The following ASIC2 variants were observed in gnomAD, a reference collection of about 807,000 sequenced individuals.
The protein encoded by ASIC2 is acid sensing ion channel subunit 2.
A neutral mutation model predicts 57.3 loss-of-function variants in ASIC2; 25 were observed. The ratio of observed to expected loss-of-function variants is 0.44; its 90% CI spans 0.32 to 0.61. The LOEUF is 0.61. Among genes scored for constraint, ASIC2 ranks in the 20% least tolerant of loss-of-function variants. ASIC2 has a pLI of 0.06. For missense variants in ASIC2, 641 were observed against 738.1 expected (o/e 0.87, Z 1.52); for synonymous variants, 319 against 307.5 (o/e 1.04, Z -0.39).
intron 1 of ASIC2, chr17:34,155,744 C>A: frequency 1.9e-6 from 1 of 521,844 alleles, no homozygotes; most frequent in South Asian, 2.6e-5. Flanking sequence ...TCCCCCACCG[C>A]AAGCCCCCCA....
intron 1 of ASIC2, among the ~76,000 whole-genome samples, chr17:34,078,479 A>T (rs1258636911): frequency 6.6e-6 from 1 of 152,168 alleles, no homozygotes; most frequent in Middle Eastern, 3.2e-3. Context: ...AGGCACTGAA[A>T]AAGAAAAGCC....
At chr17:33,521,111 C>T (rs1387600952) in intron 1 of ASIC2, among the ~76,000 whole-genome samples, 11 of 152,090 alleles carry the variant, frequency 7.2e-5, no homozygotes, top group African/African-American at 2.2e-4. Context: ...AAGGCAGTCT[C>T]GTGGCGAACT....
intron 1 of ASIC2, among the ~76,000 whole-genome samples, chr17:33,953,351 C>A (rs1904638120): frequency 6.6e-6 from 1 of 152,136 alleles, no homozygotes; most frequent in Non-Finnish European, 1.5e-5. Context: ...ATGTCTGGTA[C>A]TTAAATCAAT....
At chr17:33,148,056 T>C (rs1173794825) in intron 1 of ASIC2, among the ~76,000 whole-genome samples, 1 of 152,214 alleles carries the variant, frequency 6.6e-6, no homozygotes, top group African/African-American at 2.4e-5. Context: ...AGGCTTTTCA[T>C]TTAAGACAAC....
Position 33,017,589 on chromosome 17 carries a change from G to C in ASIC2, c.1521+16C>G, listed in dbSNP as rs1328845761. 1 of 1,605,676 alleles carries C rather than the reference G, an allele frequency of 6.2e-7. No individual in the cohort carries two copies. The highest frequency in any genetic ancestry group is 1.7e-5 in the Admixed American group (1 of 59,820). ...CAGCATGCGGTCATTTCCCTGTGGG[G>C]AATCCCAAATCTTACCTCATAAATA... On this transcript the variant is annotated intron_variant, in intron 8 of 9. Transcript: ENST00000225823.
intron 1 of ASIC2, among the ~76,000 whole-genome samples, chr17:34,062,106 T>G (rs1434477012): frequency 1.3e-5 from 2 of 152,146 alleles, no homozygotes; most frequent in Non-Finnish European, 2.9e-5. Flanking sequence ...TTCTCCAAGA[T>G]AGACCATATA....
intron 1 of ASIC2, chr17:34,039,151 G>A (rs1408115918): frequency 2.5e-6 from 4 of 1,613,840 alleles, no homozygotes; most frequent in Non-Finnish European, 2.5e-6. Flanking sequence ...ATCACAGATG[G>A]CTCTTAATAA....
At chr17:33,930,644 A>G (rs1915911652) in intron 1 of ASIC2, among the ~76,000 whole-genome samples, 1 of 152,230 alleles carries the variant, frequency 6.6e-6, no homozygotes, top group Non-Finnish European at 1.5e-5. Context: ...GAGAAGTACC[A>G]CTATAACAGT....
chr17:33,230,697 G>A (rs532084197), intron 1 of ASIC2, among the ~76,000 whole-genome samples: 1 of 152,010 alleles, frequency 6.6e-6, no homozygotes, highest in Non-Finnish European at 1.5e-5. Flanking sequence ...CACACAGTGC[G>A]AAGGGGGTAA....
At chr17:34,146,856 CT>C (rs1475208164) in intron 1 of ASIC2, 1 of 152,220 alleles carries the variant, frequency 6.6e-6, no homozygotes, top group Non-Finnish European at 1.5e-5. Context: ...CTCCCCTCAA[CT>C]GCTGGACTAC....
chr17:33,250,545 A>G (rs1187160313), intron 1 of ASIC2, among the ~76,000 whole-genome samples: 1 of 152,206 alleles, frequency 6.6e-6, no homozygotes, highest in Admixed American at 6.5e-5. Flanking sequence ...CGCTTATCCC[A>G]TGCGCCATGT....
chr17:33,300,598 T>C (rs1000103032), intron 1 of ASIC2, among the ~76,000 whole-genome samples: 3 of 152,254 alleles, frequency 2.0e-5, no homozygotes, highest in Non-Finnish European at 2.9e-5. Flanking sequence ...TGTTGTGTAT[T>C]TGCATAAGAT....
At chr17:33,187,895 G>A (rs1323741643) in intron 1 of ASIC2, among the ~76,000 whole-genome samples, 8 of 141,314 alleles carry the variant, frequency 5.7e-5, no homozygotes, top group African/African-American at 1.9e-4. Flanking sequence ...AATCAAAAAT[G>A]GTCAGGGATG....
chr17:33,622,034 A>G (rs1283557543), intron 1 of ASIC2, among the ~76,000 whole-genome samples: 2 of 152,078 alleles, frequency 1.3e-5, no homozygotes, highest in Non-Finnish European at 2.9e-5. Context: ...GATCACTATC[A>G]TCATTGCCAT....
chr17:33,624,655 A>T (rs1905916042), intron 1 of ASIC2, among the ~76,000 whole-genome samples: 1 of 152,212 alleles, frequency 6.6e-6, no homozygotes, highest in Non-Finnish European at 1.5e-5. Context: ...TAGTTGTTTG[A>T]TCAGCAGCAA....
intron 1 of ASIC2, among the ~76,000 whole-genome samples, chr17:33,155,190 C>T (rs571963310): frequency 6.6e-6 from 1 of 152,382 alleles, no homozygotes; most frequent in South Asian, 2.1e-4. Flanking sequence ...CAACCCCACA[C>T]CTGGCATTGG....
At chr17:33,946,576 A>G (rs981692602) in intron 1 of ASIC2, among the ~76,000 whole-genome samples, 1 of 152,234 alleles carries the variant, frequency 6.6e-6, no homozygotes, top group African/African-American at 2.4e-5. Context: ...GACTTCATAT[A>G]GAAATGAACG....
At chr17:34,086,973 T>C (rs905773598) in intron 1 of ASIC2, among the ~76,000 whole-genome samples, 7 of 152,206 alleles carry the variant, frequency 4.6e-5, no homozygotes, top group Non-Finnish European at 8.8e-5. Context: ...AGCACACTGA[T>C]GGGTCTTGAC....
chr17:33,066,464 G>A (rs2092043957), intron 3 of ASIC2, among the ~76,000 whole-genome samples: 1 of 152,114 alleles, frequency 6.6e-6, no homozygotes, highest in Non-Finnish European at 1.5e-5. Context: ...AGGCTGGAGG[G>A]TAAAGGATGT....
Sources: allele counts gnomAD v4.1 joint callset (sites outside exome capture counted in the v4.1 genomes callset), GRCh38; gene constraint gnomAD v4.1.1; transcripts MANE v1.5; gene names NCBI Gene and HGNC (gene_info 2026-07-23, HGNC 2026-07-21).